Variants in PTBP1 observed in about 807,000 individuals in gnomAD.
PTBP1 encodes the protein polypyrimidine tract binding protein 1.
In PTBP1, 8 loss-of-function variants were observed where a neutral mutation model predicts 59.8. The ratio of observed to expected loss-of-function variants is 0.13; its 90% CI spans 0.08 to 0.24. The LOEUF is 0.24. Among genes scored for constraint, PTBP1 ranks in the 10% least tolerant of loss-of-function variants. PTBP1 has a pLI of 1.00. For missense variants in PTBP1, 686 were observed against 767.0 expected, an observed-to-expected ratio of 0.89 and a Z score of 1.25; for synonymous variants, 490 against 320.7, an observed-to-expected ratio of 1.53 and a Z score of -5.64.
At chr19:801,751 G>A (rs776541974) in intron 2 of PTBP1, among the ~76,000 whole-genome samples, 26 of 151,880 alleles carry the variant, frequency 1.7e-4, no homozygotes, top group Non-Finnish European at 2.9e-5. Context: ...CCTTCCTCCC[G>A]TCCTCCCTTC....
chr19:806,297 G>A (rs930378617), intron 9 of PTBP1, 111 bp from the exon 10 acceptor site: 6 of 1,259,046 alleles, frequency 4.8e-6, no homozygotes, highest in Non-Finnish European at 6.3e-6. Context: ...AGCCAGGGCC[G>A]CCTCCCGCGC....
intron 10 of PTBP1, chr19:807,128 CCCTCGCGGGGGCCCAGGACGCACTCCCTG>C (rs1479602536): frequency 6.6e-6 from 1 of 152,378 alleles, no homozygotes; most frequent in Admixed American, 6.5e-5. Flanking sequence ...GCCTGGCCCT[CCCTCGCGGGGGCCCAGGACGCACTCCCTG>C]CCTGTGCCTC....
In PTBP1 at chr19:808,190, T is replaced by A; in HGVS notation, c.1154-170T>A. On this transcript the variant is annotated intron_variant, in intron 11 of 14. Coordinates refer to ENST00000356948, the MANE Select transcript of PTBP1 (RefSeq NM_002819.5). The surrounding 1 kb of genome is among the most constrained non-coding windows in gnomAD (Gnocchi z 4.7). ...ATGCTATGACTTTGCTGAACGGAGC[T>A]GCTCCTGTTAGCGCGCCCTGTGGCT... is the stretch of plus-strand genomic sequence containing the variant. 1 of 663,066 alleles carries A rather than the reference T, an allele frequency of 1.5e-6. No individual in the cohort carries two copies. The highest frequency in any genetic ancestry group is 1.8e-5 in the South Asian group (1 of 54,606). 41.1% of individuals were successfully genotyped at this position (663,066 alleles called of 1,614,324 possible).
At chr19:806,911 T>C (rs934729087) in intron 10 of PTBP1, 1 of 195,404 alleles carries the variant, frequency 5.1e-6, no homozygotes, top group Non-Finnish European at 1.0e-5. Flanking sequence ...CGCGGCGGGG[T>C]GTGGGCAGCC....
intron 13 of PTBP1, among the ~76,000 whole-genome samples, chr19:809,135 A>C (rs1363990647): frequency 6.6e-6 from 1 of 151,984 alleles, no homozygotes; most frequent in East Asian, 1.9e-4. Context: ...CAGCTTCCCG[A>C]GTAGCTGGGA....
At chr19:802,373 G>T (rs1330635707) in intron 2 of PTBP1, among the ~76,000 whole-genome samples, 2 of 151,922 alleles carry the variant, frequency 1.3e-5, no homozygotes, top group Admixed American at 1.3e-4. Context: ...GCTCGGGGAG[G>T]CCAGCGTTGG....
At position 810,632 on chromosome 19, in the gene PTBP1, G is replaced by A; in HGVS notation, c.1541+12G>A. On this transcript the variant is annotated intron_variant, in intron 14 of 14. Coordinates refer to ENST00000356948, the MANE Select transcript of PTBP1 (RefSeq NM_002819.5). ...TTCAAGTTCTTCCAGTGAGTATGAG[G>A]CGGGCTGTCCCTGGCTCTCCCCAGG... 1 of 1,613,276 alleles carries A rather than the reference G, an allele frequency of 6.2e-7. No individual in the cohort carries two copies. Among genetic ancestry groups the A allele is most frequent in the Non-Finnish European group, 8.5e-7 (1 of 1,179,748 alleles).
intron 1 of PTBP1, among the ~76,000 whole-genome samples, 180 bp downstream of exon 1, chr19:797,685 GGTCTGGCCGC>G (rs905465698): frequency 4.0e-5 from 6 of 149,142 alleles, no homozygotes; most frequent in African/African-American, 1.2e-4. Context: ...GCTTCCCGGG[GGTCTGGCCGC>G]GTCCCCATCC....
At chr19:806,128 G>A (rs2034558441) in intron 9 of PTBP1, 2 of 372,368 alleles carry the variant, frequency 5.4e-6, no homozygotes, top group Non-Finnish European at 9.6e-6. Flanking sequence ...TGTCTGTGCT[G>A]GCGGAGCCGG....
At chr19:800,101 A>ATTTTTTTTTTTTTTTT (rs35076364) in intron 2 of PTBP1, among the ~76,000 whole-genome samples, 1 of 131,498 alleles carries the variant, frequency 7.6e-6, no homozygotes, top group Non-Finnish European at 1.6e-5. Context: ...TAATTTTTGT[A>ATTTTTTTTTTTTTTTT]TTTTTTTTTT....
In PTBP1 at chr19:806,494, G is replaced by T. The variant is rs766586041; in HGVS notation, c.1057G>T (p.Ala353Ser). ...AAAAAAAGRIAIPGLAGAGNS... is the reference protein window; with the variant it reads ...AAAAAAAGRISIPGLAGAGNS... ...GGCAGCTGCGGCGGCAGGTCGGATC[G>T]CCATCCCGGGCCTGGCGGGGGCAGG... Residue 353 changes from alanine (A) to serine (S), a missense_variant, in exon 10 of 15, where the codon GCC (alanine) becomes TCC (serine). By Grantham distance (99) the Ala-to-Ser change is moderately conservative. Transcript: ENST00000356948. 2.5e-6 allele frequency: 4 copies of T among 1,577,692 alleles called. No individual in the cohort carries two copies. Among genetic ancestry groups the T allele is most frequent in the Admixed American group, 1.8e-5 (1 of 54,292 alleles).
Position 804,145 on chromosome 19 carries a change from C to T in PTBP1, c.225C>T (p.Val75=), listed in dbSNP as rs2034455610. ...CCATCGACGTCACGGAGGGGGAAGT[C>T]ATCTCCCTGGGGCTGCCCTTTGGGA... ...KLPIDVTEGE[V]ISLGLPFGKV... The change falls in exon 4 of 15, where the codon GTC becomes GTT. Residue 75 remains valine (V), a synonymous_variant. Transcript: ENST00000356948. The T allele has an allele frequency of 1.9e-6, 3 of 1,613,600 alleles. No homozygotes were observed. Among genetic ancestry groups the T allele is most frequent in the Non-Finnish European group, 2.5e-6 (3 of 1,179,768 alleles).
intron 1 of PTBP1, 102 bp from the exon 2 acceptor site, chr19:799,311 A>AGCT (rs760689666): frequency 9.5e-7 from 1 of 1,048,752 alleles, no homozygotes; most frequent in Non-Finnish European, 1.5e-6. Context: ...CGGAGGTGGC[A>AGCT]GCTGCAGGGA....
intron 1 of PTBP1, 53 bp downstream of exon 1, chr19:797,558 C>A: frequency 2.3e-6 from 3 of 1,304,144 alleles, no homozygotes; most frequent in Non-Finnish European, 3.0e-6. Flanking sequence ...CGCAGCCCTG[C>A]CCCCGCCGCC....
chr19:803,760 A>G (rs2145041864), intron 3 of PTBP1, 124 bp downstream of exon 3: 1 of 917,096 alleles, frequency 1.1e-6, no homozygotes, highest in Non-Finnish European at 1.7e-6. Flanking sequence ...CACGCTACAG[A>G]CCCAGGTCCA....
intron 1 of PTBP1, 25 bp from the exon 2 acceptor site, chr19:799,388 T>C: frequency 6.2e-7 from 1 of 1,612,912 alleles, no homozygotes; most frequent in Non-Finnish European, 8.5e-7. Context: ...CAGGCTAACG[T>C]TGTCTCCTTT....
In PTBP1 at chr19:804,527, C is replaced by T. The variant is rs766202726; in HGVS notation, c.436-5C>T. On this transcript the variant is annotated splice_region_variant and splice_polypyrimidine_tract_variant and intron_variant, in intron 5 of 14. Coordinates refer to ENST00000356948, the MANE Select transcript of PTBP1 (RefSeq NM_002819.5). ...GCCGGGGACTCACGGCTGTGCCTCCCACAGCGGGCCCAGGCGGCCCTGCAG... is the reference window on the plus strand; with the variant it reads ...GCCGGGGACTCACGGCTGTGCCTCCTACAGCGGGCCCAGGCGGCCCTGCAG... 5 of 1,600,102 alleles carry T rather than the reference C, an allele frequency of 3.1e-6. No homozygotes were observed. The highest frequency in any genetic ancestry group is 4.3e-6 in the Non-Finnish European group (5 of 1,175,808).
chr19:800,332 G>T (rs568394889), intron 2 of PTBP1, among the ~76,000 whole-genome samples: 1 of 152,152 alleles, frequency 6.6e-6, no homozygotes, highest in African/African-American at 2.4e-5. Flanking sequence ...CGTCTCTGGG[G>T]TGTGCGAATC....
At chr19:799,511 C>A (rs1302129678) in intron 2 of PTBP1, 68 bp downstream of exon 2, 2 of 1,529,928 alleles carry the variant, frequency 1.3e-6, no homozygotes, top group Non-Finnish European at 1.8e-6. Flanking sequence ...GGGGCCACCC[C>A]CCAGCGCTGT....
Sources: allele counts gnomAD v4.1 joint callset (sites outside exome capture counted in the v4.1 genomes callset), GRCh38; gene constraint gnomAD v4.1.1; non-coding constraint Gnocchi (gnomAD v3.1); transcripts MANE v1.5; gene names NCBI Gene and HGNC (gene_info 2026-07-23, HGNC 2026-07-21).